Variants in PLCB4 observed in about 807,000 individuals in gnomAD.
PLCB4 encodes the protein 1-phosphatidylinositol 4,5-bisphosphate phosphodiesterase beta-4.
PLCB4 carries 77 observed loss-of-function variants against 178.8 expected under a neutral mutation model. The observed-to-expected ratio is 0.43, with a 90% CI of 0.36 to 0.52. The LOEUF is 0.52. Among genes scored for constraint, PLCB4 ranks in the 20% least tolerant of loss-of-function variants. The pLI is 0.00. For synonymous variants in PLCB4, 496 were observed against 490.8 expected (o/e 1.01, Z -0.14); for missense variants, 1,024 against 1,453.4 (o/e 0.70, Z 4.80).
chr20:9,473,216 A>ATCCCTGTT lies in PLCB4; in HGVS notation c.3409-61_3409-54dup, dbSNP rs1401622902. ...ATTATAAAGTTACAAGTCATCTCTC[A>ATCCCTGTT]TCCCTGTTTTAAGATTGTAACCCAA... On this transcript the variant is annotated intron_variant, in intron 37 of 39. Coordinates refer to ENST00000378473, the MANE Select transcript of PLCB4 (RefSeq NM_001377142.1). 6.2e-6 allele frequency: 6 copies of ATCCCTGTT among 973,282 alleles called. No individual in the cohort carries two copies. In the East Asian group the frequency reaches 1.5e-4, roughly 25 times the overall value. 60.3% of individuals were successfully genotyped at this position (973,282 alleles called of 1,614,324 possible). A position where few individuals can be genotyped will look rare whatever the true frequency, so the allele number is the denominator to read the frequency against.
intron 1 of PLCB4, among the ~76,000 whole-genome samples, chr20:9,089,274 ATG>A (rs2090572670): frequency 6.6e-6 from 1 of 152,010 alleles, no homozygotes; most frequent in African/African-American, 2.4e-5. Context: ...ATATATTAAC[ATG>A]TGCTTTATCC....
intron 3 of PLCB4, among the ~76,000 whole-genome samples, chr20:9,286,042 G>A (rs1208381808): frequency 1.3e-5 from 2 of 152,094 alleles, no homozygotes; most frequent in Middle Eastern, 3.4e-3. Flanking sequence ...ACAGTAATTG[G>A]TTGAAGCAGG....
intron 2 of PLCB4, among the ~76,000 whole-genome samples, chr20:9,133,806 G>A (rs2092327631): frequency 6.6e-6 from 1 of 152,168 alleles, no homozygotes; most frequent in Non-Finnish European, 1.5e-5. Context: ...CTGTGCACAT[G>A]ATTTTAATGC....
At chr20:9,386,356 G>T (rs990550632) in intron 14 of PLCB4, among the ~76,000 whole-genome samples, 1 of 152,086 alleles carries the variant, frequency 6.6e-6, no homozygotes, top group Non-Finnish European at 1.5e-5. Context: ...TATTAAAATC[G>T]TTTTTGTTTT....
intron 7 of PLCB4, among the ~76,000 whole-genome samples, chr20:9,359,421 T>A (rs1292445066): frequency 2.0e-5 from 3 of 152,204 alleles, no homozygotes; most frequent in Admixed American, 6.5e-5. Flanking sequence ...GAAGAGTCTT[T>A]CTTTCCCCCT....
At chr20:9,336,251 G>A (rs1444550378) in intron 4 of PLCB4, among the ~76,000 whole-genome samples, 3 of 152,040 alleles carry the variant, frequency 2.0e-5, no homozygotes, top group Non-Finnish European at 4.4e-5. Context: ...GGACATCTAT[G>A]TTCATTTCCC....
intron 2 of PLCB4, among the ~76,000 whole-genome samples, chr20:9,172,324 T>C (rs867488349): frequency 2.8e-4 from 42 of 152,302 alleles, no homozygotes; most frequent in African/African-American, 8.7e-4. Flanking sequence ...CAATTCCCTG[T>C]TGAGTGGAAT....
chr20:9,174,646 GT>G (rs1259341440), intron 2 of PLCB4, among the ~76,000 whole-genome samples: 2 of 151,852 alleles, frequency 1.3e-5, no homozygotes, highest in Non-Finnish European at 2.9e-5. Context: ...GCTATTTGTG[GT>G]TTTCTTCCTT....
intron 2 of PLCB4, among the ~76,000 whole-genome samples, chr20:9,202,169 G>T (rs1467317961): frequency 6.6e-6 from 1 of 152,188 alleles, no homozygotes; most frequent in Non-Finnish European, 1.5e-5. Context: ...ATTCCATGCA[G>T]TAAAGGCAAC....
At chr20:9,185,849 G>T (rs568283080) in intron 2 of PLCB4, among the ~76,000 whole-genome samples, 3 of 152,034 alleles carry the variant, frequency 2.0e-5, no homozygotes, top group Non-Finnish European at 4.4e-5. Flanking sequence ...CATCCACATG[G>T]CTAAATCTCT....
intron 3 of PLCB4, among the ~76,000 whole-genome samples, chr20:9,221,310 A>G (rs2093795771): frequency 6.6e-6 from 1 of 152,138 alleles, no homozygotes; most frequent in African/African-American, 2.4e-5. Flanking sequence ...GGCAGGTAAG[A>G]GAGGGCTATA....
chr20:9,416,490 T>C (rs1037726400), intron 25 of PLCB4, among the ~76,000 whole-genome samples: 7 of 152,162 alleles, frequency 4.6e-5, no homozygotes, highest in African/African-American at 1.7e-4. Flanking sequence ...AGACCCACCA[T>C]TGTTACCTCC....
chr20:9,361,888 G>C (rs566345243), intron 7 of PLCB4, among the ~76,000 whole-genome samples: 5 of 152,296 alleles, frequency 3.3e-5, no homozygotes, highest in African/African-American at 4.8e-5. Context: ...AATGTGATTA[G>C]TGCAAATGAG....
chr20:9,408,713 G>T lies in PLCB4; in HGVS notation c.1870G>T (p.Val624Phe), dbSNP rs1005351191. ...GYLKTHAIEF[V>F]NYNKRQMSRI... is the part of the protein sequence containing the mutation. ...CTTGAAGACACATGCAATTGAATTT[G>T]TCAAGTATCCTTATGTATCAAGTGG... is the stretch of plus-strand genomic sequence containing the variant. The change falls in exon 23 of 40, where the codon GTC (valine) becomes TTC (phenylalanine). Residue 624 changes from valine to phenylalanine, a missense_variant. Physicochemically the swap from Val to Phe is conservative, Grantham distance 50. Around this residue, in one of 7 missense-constraint regions of PLCB4, gnomAD observed 263 missense variants for 417.4 expected, o/e 0.63. Coordinates refer to ENST00000378473, the MANE Select transcript of PLCB4 (RefSeq NM_001377142.1). 1 of 1,529,566 alleles carries T rather than the reference G, an allele frequency of 6.5e-7. No homozygotes were observed. Among genetic ancestry groups the T allele is most frequent in the Admixed American group, 1.7e-5 (1 of 59,872 alleles). 94.7% of individuals were successfully genotyped at this position (1,529,566 alleles called of 1,614,324 possible).
chr20:9,468,622 C>A lies in PLCB4; in HGVS notation c.3300C>A (p.Ser1100Arg). 1 of 1,611,846 alleles carries A rather than the reference C, an allele frequency of 6.2e-7. No individual in the cohort carries two copies. Among genetic ancestry groups the A allele is most frequent in the Non-Finnish European group, 8.5e-7 (1 of 1,178,170 alleles). The change falls in exon 36 of 40, where the codon AGC (serine) becomes AGA (arginine). Residue 1100 changes from serine to arginine, a missense_variant. By Grantham distance (110) the Ser-to-Arg change is moderately radical (BLOSUM62 -1). Transcript: ENST00000378473. The part of the protein sequence containing the change: ...AHQAKISMEN[S>R]KAISQDKSIK... ...AGGCTAAGATTTCTATGGAAAATAG[C>A]AAAGCCATCAGCCAAGATAAATCTA...
At chr20:9,352,757 C>G (rs1442069087) in intron 7 of PLCB4, among the ~76,000 whole-genome samples, 1 of 152,126 alleles carries the variant, frequency 6.6e-6, no homozygotes, top group Non-Finnish European at 1.5e-5. Flanking sequence ...ACTCATTCAC[C>G]ATGCTCTGAG....
intron 3 of PLCB4, among the ~76,000 whole-genome samples, chr20:9,254,134 A>T (rs1368377824): frequency 6.6e-6 from 1 of 152,190 alleles, no homozygotes; most frequent in African/African-American, 2.4e-5. Context: ...CTGCTGTCAA[A>T]TCTAATAAGA....
chr20:9,281,382 A>T (rs966386895), intron 3 of PLCB4, among the ~76,000 whole-genome samples: 1 of 152,066 alleles, frequency 6.6e-6, no homozygotes, highest in Admixed American at 6.6e-5. Context: ...GATATTATGC[A>T]TGTAAAATAA....
At chr20:9,358,561 T>C (rs139260554) in intron 7 of PLCB4, among the ~76,000 whole-genome samples, 45 of 152,322 alleles carry the variant, frequency 3.0e-4, no homozygotes, top group African/African-American at 9.9e-4. Context: ...CTAGTTATTT[T>C]AGGATGACGG....
Sources: gnomAD v4.1 joint callset for allele counts (sites outside exome capture counted in the v4.1 genomes callset) on GRCh38, gnomAD v4.1.1 for gene constraint, gnomAD v4.1.1 regional missense constraint, MANE v1.5 for transcripts, NCBI Gene and HGNC (gene_info 2026-07-23, HGNC 2026-07-21) for gene names.